Variants in REC114 observed in about 807,000 individuals in gnomAD.
REC114 encodes REC114 meiotic recombination protein.
REC114 carries 27 observed loss-of-function variants against 31.3 expected under a neutral mutation model. The ratio of observed to expected loss-of-function variants is 0.86; its 90% CI spans 0.64 to 1.19. The LOEUF is 1.19. REC114 is among the 50% of genes most tolerant of loss of function. REC114 has a pLI of 0.00. For synonymous variants in REC114, 134 were observed against 127.7 expected (o/e 1.05, Z -0.33); for missense variants, 344 against 326.9 (o/e 1.05, Z -0.40).
intron 2 of REC114, among the ~76,000 whole-genome samples, chr15:73,524,477 T>C (rs984554236): frequency 6.6e-6 from 1 of 152,218 alleles, no homozygotes; most frequent in Non-Finnish European, 1.5e-5. Flanking sequence ...ATCATAGATA[T>C]CTCAATTGGT....
intron 2 of REC114, among the ~76,000 whole-genome samples, chr15:73,498,809 T>C (rs1274367342): frequency 6.6e-6 from 1 of 152,226 alleles, no homozygotes; most frequent in Non-Finnish European, 1.5e-5. Flanking sequence ...GAAATAGCCT[T>C]GCCTCCTTGT....
chr15:73,552,540 T>A (rs544732093), intron 4 of REC114, among the ~76,000 whole-genome samples: 1 of 152,344 alleles, frequency 6.6e-6, no homozygotes, highest in East Asian at 1.9e-4. Flanking sequence ...GTAACTCAGA[T>A]GAAAGTTCTT....
chr15:73,533,972 A>G (rs62015533), intron 2 of REC114, among the ~76,000 whole-genome samples: 1 of 109,568 alleles, frequency 9.1e-6, no homozygotes, highest in African/African-American at 3.8e-5. Flanking sequence ...AGAAATAAAG[A>G]TGTTCTTTGA....
chr15:73,457,832 T>C (rs1892938086), intron 1 of REC114, among the ~76,000 whole-genome samples: 1 of 152,216 alleles, frequency 6.6e-6, no homozygotes, highest in Non-Finnish European at 1.5e-5. Flanking sequence ...CAAAGCATTA[T>C]TAAATTATCT....
At position 73,481,346 on chromosome 15, in the gene REC114, C is replaced by T. The variant is rs537616595; in HGVS notation, c.249+7425C>T. Among the ~76,000 whole-genome samples the T allele has an allele frequency of 1.4e-4, 21 of 152,284 alleles. No individual in the cohort carries two copies. The South Asian group carries it at 1.5e-3, about 11-fold the overall frequency. On this transcript the variant is annotated intron_variant, in intron 2 of 5. Transcript: ENST00000331090. Reference sequence around the variant, plus strand: ...GCATGCATGGTATCTAGTAATACTACAGATTTCCATCTTGCTTGTTCATAT... The same window carrying T: ...GCATGCATGGTATCTAGTAATACTATAGATTTCCATCTTGCTTGTTCATAT...
chr15:73,517,789 G>T (rs1444887460), intron 2 of REC114, among the ~76,000 whole-genome samples: 1 of 152,190 alleles, frequency 6.6e-6, no homozygotes, highest in Non-Finnish European at 1.5e-5. Context: ...CTGTGCTAGA[G>T]ATATGATTTG....
At chr15:73,455,423 G>A (rs1262087364) in intron 1 of REC114, among the ~76,000 whole-genome samples, 1 of 152,022 alleles carries the variant, frequency 6.6e-6, no homozygotes, top group Non-Finnish European at 1.5e-5. Context: ...AGGAGAATCT[G>A]TTCTCCTGGT....
chr15:73,472,006 T>C (rs1413648140), intron 1 of REC114, among the ~76,000 whole-genome samples: 2 of 152,208 alleles, frequency 1.3e-5, no homozygotes, highest in African/African-American at 4.8e-5. Context: ...CTAGAGGACC[T>C]TCTGGAAATC....
At chr15:73,459,940 C>A (rs915829235) in intron 1 of REC114, among the ~76,000 whole-genome samples, 30 of 152,130 alleles carry the variant, frequency 2.0e-4, no homozygotes, top group Non-Finnish European at 1.0e-4. Context: ...CTGTAAGCTA[C>A]ACCTGACTGA....
At chr15:73,553,372 T>A (rs921096904) in intron 4 of REC114, among the ~76,000 whole-genome samples, 1 of 152,218 alleles carries the variant, frequency 6.6e-6, no homozygotes, top group African/African-American at 2.4e-5. Flanking sequence ...CCTGCTATAT[T>A]CCTTAAGAAT....
At chr15:73,520,379 T>TACCC (rs1555488064) in intron 2 of REC114, among the ~76,000 whole-genome samples, 1 of 152,112 alleles carries the variant, frequency 6.6e-6, no homozygotes, top group Non-Finnish European at 1.5e-5. Flanking sequence ...TACAGGCGTG[T>TACCC]GCCACCACAC....
chr15:73,478,322 T>C (rs193071164), intron 2 of REC114, among the ~76,000 whole-genome samples: 1 of 151,148 alleles, frequency 6.6e-6, no homozygotes, highest in East Asian at 1.9e-4. Context: ...TGGATATCGA[T>C]TATTTTAGTA....
At chr15:73,508,332 AC>A (rs1318319238) in intron 2 of REC114, among the ~76,000 whole-genome samples, 1 of 152,076 alleles carries the variant, frequency 6.6e-6, no homozygotes, top group Non-Finnish European at 1.5e-5. Context: ...ATGTTCATTT[AC>A]TGCTGGTGAC....
chr15:73,559,407 T>C lies in REC114; in HGVS notation c.637-345T>C, dbSNP rs532009057. Among the ~76,000 whole-genome samples, 9 of 152,214 alleles carry C rather than the reference T, an allele frequency of 5.9e-5. No individual in the cohort carries two copies. In the South Asian group the frequency reaches 6.2e-4, roughly 11 times the overall value. On this transcript the variant is annotated intron_variant, in intron 5 of 5. Transcript: ENST00000331090. ...GAACTGAGCTAGTGGAGCTCATTCA[T>C]TGATAGCATTGATAGGTTTGTTTTC...
chr15:73,508,648 G>T (rs1595873295), intron 2 of REC114, among the ~76,000 whole-genome samples: 1 of 130,688 alleles, frequency 7.7e-6, no homozygotes. Flanking sequence ...CCTGTGTCCA[G>T]GTGATCTCAT....
At chr15:73,501,897 C>G (rs1178648964) in intron 2 of REC114, among the ~76,000 whole-genome samples, 1 of 152,052 alleles carries the variant, frequency 6.6e-6, no homozygotes, top group African/African-American at 2.4e-5. Context: ...GTGTGCAGTT[C>G]CGGAGTAGAG....
At chr15:73,536,464 A>G (rs1894158150) in intron 2 of REC114, among the ~76,000 whole-genome samples, 1 of 152,210 alleles carries the variant, frequency 6.6e-6, no homozygotes, top group South Asian at 2.1e-4. Context: ...GTAGGAGCTC[A>G]GTGATGTTAA....
At chr15:73,541,809 A>T (rs556894982) in intron 3 of REC114, among the ~76,000 whole-genome samples, 1 of 152,318 alleles carries the variant, frequency 6.6e-6, no homozygotes, top group East Asian at 1.9e-4. Flanking sequence ...TATGTTTGAT[A>T]CTTGAGTTTT....
chr15:73,559,649 T>C (rs1894544004), intron 5 of REC114, 103 bp from the exon 6 acceptor site: 1 of 1,037,314 alleles, frequency 9.6e-7, no homozygotes, highest in Non-Finnish European at 1.3e-6. Context: ...TTTTTTGGTG[T>C]GTATTTCGCT....
Sources: allele counts gnomAD v4.1 joint callset (sites outside exome capture counted in the v4.1 genomes callset), GRCh38; gene constraint gnomAD v4.1.1; transcripts MANE v1.5; gene names NCBI Gene and HGNC (gene_info 2026-07-23, HGNC 2026-07-21).